Variants in POU2AF2 observed in about 807,000 individuals in gnomAD.
The protein encoded by POU2AF2 is POU domain class 2-associating factor 2.
chr11:111,252,736 A>C, the POU2AF2 span, among the ~76,000 whole-genome samples: 1 of 151,974 alleles, frequency 6.6e-6, no homozygotes, highest in Non-Finnish European at 1.5e-5. Flanking sequence ...TCCTCTTCAA[A>C]TATTTTCAAC....
chr11:111,284,224 T>C, the POU2AF2 span: 6 of 1,614,010 alleles, frequency 3.7e-6, no homozygotes, highest in East Asian at 2.2e-5. Context: ...GGCAGAGCCA[T>C]GCGGCTCTCC....
the POU2AF2 span, among the ~76,000 whole-genome samples, chr11:111,254,461 A>G: frequency 6.6e-6 from 1 of 152,206 alleles, no homozygotes; most frequent in African/African-American, 2.4e-5. Flanking sequence ...GTTAGCTTTC[A>G]AGGAATTTTC....
At chr11:111,253,562 C>G in the POU2AF2 span, among the ~76,000 whole-genome samples, 15 of 152,210 alleles carry the variant, frequency 9.9e-5, no homozygotes, top group Non-Finnish European at 2.2e-4. Flanking sequence ...TCCACCACTA[C>G]TCAGTCCCCA....
At chr11:111,256,862 C>T in the POU2AF2 span, among the ~76,000 whole-genome samples, 2 of 152,188 alleles carry the variant, frequency 1.3e-5, no homozygotes, top group African/African-American at 2.4e-5. Context: ...CTAAACCCAA[C>T]AGAGATAACT....
chr11:111,266,142 C>T, the POU2AF2 span, among the ~76,000 whole-genome samples: 2 of 152,100 alleles, frequency 1.3e-5, no homozygotes, highest in African/African-American at 4.8e-5. Context: ...AAATGAAAGT[C>T]TGAATATTTT....
chr11:111,284,036 G>C, the POU2AF2 span: 2 of 1,591,820 alleles, frequency 1.3e-6, no homozygotes, highest in South Asian at 2.3e-5. Flanking sequence ...GACCGCCCTG[G>C]GAGGAATTTT....
chr11:111,260,575 G>A, the POU2AF2 span, among the ~76,000 whole-genome samples: 1 of 152,160 alleles, frequency 6.6e-6, no homozygotes, highest in Non-Finnish European at 1.5e-5. Flanking sequence ...AGGAGGCAAT[G>A]TGACCACTTA....
chr11:111,264,831 AAGAG>A, the POU2AF2 span, among the ~76,000 whole-genome samples: 1 of 148,214 alleles, frequency 6.7e-6, no homozygotes, highest in Non-Finnish European at 1.5e-5. Flanking sequence ...GAAAGAAAGA[AAGAG>A]AGGAAGGAAG....
the POU2AF2 span, among the ~76,000 whole-genome samples, chr11:111,271,473 G>GTGCA: frequency 6.6e-6 from 1 of 152,072 alleles, no homozygotes; most frequent in Middle Eastern, 3.4e-3. Context: ...CCAGGCTGGA[G>GTGCA]TGCAGTGGCA....
At chr11:111,251,557 C>A in the POU2AF2 span, among the ~76,000 whole-genome samples, 1 of 152,122 alleles carries the variant, frequency 6.6e-6, no homozygotes, top group African/African-American at 2.4e-5. Context: ...CATTCCTTAC[C>A]ACTGCACACA....
the POU2AF2 span, among the ~76,000 whole-genome samples, chr11:111,264,080 A>G: frequency 6.6e-6 from 1 of 152,200 alleles, no homozygotes; most frequent in African/African-American, 2.4e-5. Context: ...GTAAGAAATT[A>G]TAAGTGATTA....
the POU2AF2 span, chr11:111,256,218 G>A: frequency 1.0e-5 from 4 of 396,098 alleles, no homozygotes; most frequent in Non-Finnish European, 1.8e-5. Flanking sequence ...TAACTGGCAC[G>A]CAGTATAGAA....
chr11:111,284,051 C>T, the POU2AF2 span: 9 of 1,602,456 alleles, frequency 5.6e-6, no homozygotes, highest in South Asian at 8.9e-5. Flanking sequence ...AATTTTCTGC[C>T]CATGTGTTTT....
the POU2AF2 span, among the ~76,000 whole-genome samples, chr11:111,277,471 T>G: frequency 6.6e-6 from 1 of 152,156 alleles, no homozygotes; most frequent in African/African-American, 2.4e-5. Context: ...AGAAAAACTT[T>G]TAGAGCAGAT....
At chr11:111,255,553 A>G in the POU2AF2 span, among the ~76,000 whole-genome samples, 1 of 152,196 alleles carries the variant, frequency 6.6e-6, no homozygotes, top group African/African-American at 2.4e-5. Context: ...GCTCACTCCC[A>G]TCAGGTATAA....
chr11:111,267,674 A>G, the POU2AF2 span, among the ~76,000 whole-genome samples: 16 of 152,178 alleles, frequency 1.1e-4, no homozygotes, highest in Non-Finnish European at 1.3e-4. Flanking sequence ...AGTGAAACAT[A>G]GAGTTTACCA....
At chr11:111,262,682 G>T in the POU2AF2 span, among the ~76,000 whole-genome samples, 5 of 152,182 alleles carry the variant, frequency 3.3e-5, no homozygotes, top group Non-Finnish European at 5.9e-5. Context: ...GGCTACAAAT[G>T]GTCTTGGGTA....
At chr11:111,267,072 C>A in the POU2AF2 span, among the ~76,000 whole-genome samples, 1 of 152,208 alleles carries the variant, frequency 6.6e-6, no homozygotes, top group African/African-American at 2.4e-5. Context: ...TGCCTGTAGA[C>A]TGTTCAAGAG....
the POU2AF2 span, among the ~76,000 whole-genome samples, chr11:111,250,993 G>A: frequency 0.016 from 2,489 of 152,272 alleles, 64 homozygotes; most frequent in African/African-American, 0.057. Context: ...TCCTGTGAGC[G>A]TCATGGTGGA....
Sources: allele counts gnomAD v4.1 joint callset (sites outside exome capture counted in the v4.1 genomes callset), GRCh38; gene constraint gnomAD v4.1.1; transcripts MANE v1.5; gene names NCBI Gene and HGNC (gene_info 2026-07-23, HGNC 2026-07-21).